The following AKR1C8 variants were observed in gnomAD, a reference collection of about 807,000 sequenced individuals.
AKR1C8 encodes the protein aldo-keto reductase family 1 member C-like protein 1.
the AKR1C8 span, among the ~76,000 whole-genome samples, chr10:5,179,670 G>T: frequency 8.2e-5 from 12 of 146,842 alleles, no homozygotes; most frequent in Admixed American, 6.1e-4. Flanking sequence ...TGGAGGCTTT[G>T]TTCTTTTTAT....
the AKR1C8 span, among the ~76,000 whole-genome samples, chr10:5,177,039 C>CAT: frequency 2.0e-5 from 3 of 151,960 alleles, no homozygotes; most frequent in Admixed American, 2.0e-4. Context: ...TAAGAGAGGG[C>CAT]ATCCCTGTCT....
the AKR1C8 span, among the ~76,000 whole-genome samples, chr10:5,165,550 C>A: frequency 1.3e-5 from 2 of 152,116 alleles, no homozygotes; most frequent in African/African-American, 4.8e-5. Context: ...AAAGAAACTT[C>A]CCTGGAGAAA....
chr10:5,145,728 G>A, the AKR1C8 span, among the ~76,000 whole-genome samples: 1 of 152,128 alleles, frequency 6.6e-6, no homozygotes, highest in Non-Finnish European at 1.5e-5. Flanking sequence ...GGAGAAATAG[G>A]AACACTTTTA....
the AKR1C8 span, among the ~76,000 whole-genome samples, chr10:5,148,293 G>C: frequency 6.6e-6 from 1 of 152,048 alleles, no homozygotes; most frequent in Admixed American, 6.6e-5. Context: ...ATAAGAAGTG[G>C]GGAGGAGAGA....
the AKR1C8 span, among the ~76,000 whole-genome samples, chr10:5,167,669 A>G: frequency 1.3e-5 from 2 of 152,144 alleles, no homozygotes; most frequent in African/African-American, 4.8e-5. Context: ...TTGGAGATAT[A>G]CCTAATGTTA....
the AKR1C8 span, among the ~76,000 whole-genome samples, chr10:5,178,837 C>G: frequency 1.4e-3 from 216 of 151,940 alleles, no homozygotes; most frequent in African/African-American, 4.5e-3. Context: ...CTTGGTAGAT[C>G]TTCCTCCATC....
At chr10:5,157,623 C>A in the AKR1C8 span, 4 of 469,786 alleles carry the variant, frequency 8.5e-6, no homozygotes, top group Non-Finnish European at 1.8e-5. Flanking sequence ...AGCGACTCTG[C>A]TCAACCTTTA....
chr10:5,164,413 A>G, the AKR1C8 span, among the ~76,000 whole-genome samples: 1 of 151,952 alleles, frequency 6.6e-6, no homozygotes, highest in Non-Finnish European at 1.5e-5. Context: ...GTAAGTCAAA[A>G]AACTTTGGGT....
the AKR1C8 span, among the ~76,000 whole-genome samples, chr10:5,180,692 G>A: frequency 1.2e-4 from 18 of 152,318 alleles, no homozygotes; most frequent in South Asian, 4.1e-4. Flanking sequence ...GGGCAATGGC[G>A]GGTGCCCCTC....
At chr10:5,154,375 G>T in the AKR1C8 span, 2 of 238,302 alleles carry the variant, frequency 8.4e-6, no homozygotes, top group Non-Finnish European at 1.8e-5. Flanking sequence ...ACACAATTAT[G>T]ACTTATTTAA....
the AKR1C8 span, among the ~76,000 whole-genome samples, chr10:5,150,925 A>G: frequency 6.6e-6 from 1 of 152,202 alleles, no homozygotes; most frequent in Non-Finnish European, 1.5e-5. Context: ...TGTTCCAGGT[A>G]TATAGAAGAA....
chr10:5,164,786 T>C, the AKR1C8 span, among the ~76,000 whole-genome samples: 1 of 152,176 alleles, frequency 6.6e-6, no homozygotes, highest in Non-Finnish European at 1.5e-5. Context: ...TGAAATTTAC[T>C]GGCCGAGGCT....
the AKR1C8 span, among the ~76,000 whole-genome samples, chr10:5,179,591 T>G: frequency 4.0e-5 from 6 of 150,068 alleles, no homozygotes; most frequent in Non-Finnish European, 7.4e-5. Context: ...CTTGGTTCCA[T>G]TCTCCCCATC....
At chr10:5,170,643 C>T in the AKR1C8 span, among the ~76,000 whole-genome samples, 1 of 152,026 alleles carries the variant, frequency 6.6e-6, no homozygotes, top group Non-Finnish European at 1.5e-5. Context: ...TCTTTACTTA[C>T]CATGGATCAG....
the AKR1C8 span, among the ~76,000 whole-genome samples, chr10:5,183,093 CTAAT>C: frequency 2.0e-5 from 3 of 152,054 alleles, no homozygotes; most frequent in African/African-American, 4.8e-5. Flanking sequence ...TCTAGTCTCA[CTAAT>C]TATTTTTAAA....
At chr10:5,156,293 G>T in the AKR1C8 span, among the ~76,000 whole-genome samples, 1 of 152,038 alleles carries the variant, frequency 6.6e-6, no homozygotes, top group Non-Finnish European at 1.5e-5. Flanking sequence ...AGCTGTGTTT[G>T]CTCTTCCTTA....
chr10:5,129,335 A>C, the AKR1C8 span, among the ~76,000 whole-genome samples: 1 of 152,106 alleles, frequency 6.6e-6, no homozygotes, highest in South Asian at 2.1e-4. Flanking sequence ...GAAACAGCAC[A>C]AATTGACAAC....
At chr10:5,160,511 C>T in the AKR1C8 span, among the ~76,000 whole-genome samples, 10 of 152,184 alleles carry the variant, frequency 6.6e-5, 1 homozygote, top group African/African-American at 2.2e-4. Flanking sequence ...CCAAAGATAA[C>T]ATGCTGACTC....
chr10:5,145,287 C>A, the AKR1C8 span, among the ~76,000 whole-genome samples: 2 of 152,220 alleles, frequency 1.3e-5, no homozygotes, highest in East Asian at 1.9e-4. Flanking sequence ...TAGGCATGGG[C>A]AAGGACTTCA....
Sources: gnomAD v4.1 joint callset for allele counts (sites outside exome capture counted in the v4.1 genomes callset) on GRCh38, gnomAD v4.1.1 for gene constraint, MANE v1.5 for transcripts, NCBI Gene and HGNC (gene_info 2026-07-23, HGNC 2026-07-21) for gene names.